EPB41L4A: variants seen among roughly 807,000 people sequenced by gnomAD.
The protein encoded by EPB41L4A is erythrocyte membrane protein band 4.1 like 4A.
Under a neutral mutation model 108.6 loss-of-function variants are expected in EPB41L4A, and 100 were observed. The observed-to-expected ratio is 0.92, with a 90% CI of 0.78 to 1.09. EPB41L4A has a LOEUF of 1.09. Among genes scored for constraint, EPB41L4A ranks in the 50% least tolerant of loss-of-function variants. The pLI is 0.00. For synonymous variants in EPB41L4A, 319 were observed against 289.0 expected (o/e 1.10, Z -1.05); for missense variants, 1,030 against 842.7 (o/e 1.22, Z -2.75).
chr5:112,207,815 GT>G (rs1410294264), intron 13 of EPB41L4A, among the ~76,000 whole-genome samples: 30 of 152,318 alleles, frequency 2.0e-4, no homozygotes, highest in African/African-American at 7.2e-4. Flanking sequence ...CTTTTACACT[GT>G]TGGGGGAAAT....
chr5:112,246,845 CCT>C lies in EPB41L4A; in HGVS notation c.796-6037_796-6036del, dbSNP rs1452653744. On this transcript the variant is annotated intron_variant, in intron 9 of 22. Transcript: ENST00000261486. ...ATGAATGACTATTTTTCCCTACCCCCCTCTTACATGAAAACAGTGTGCTTCTC... is the reference window on the plus strand; with the variant it reads ...ATGAATGACTATTTTTCCCTACCCCCCTTACATGAAAACAGTGTGCTTCTC... Among the ~76,000 whole-genome samples the C allele has an allele frequency of 3.9e-5, 6 of 152,274 alleles. No individual in the cohort carries two copies. In the East Asian group the frequency reaches 1.2e-3, roughly 29 times the overall value.
intron 16 of EPB41L4A, among the ~76,000 whole-genome samples, chr5:112,195,288 A>C (rs542640819): frequency 2.6e-5 from 4 of 152,204 alleles, no homozygotes; most frequent in Admixed American, 6.6e-5. Flanking sequence ...CCTGGATAAC[A>C]CAACCTCAGC....
At chr5:112,267,340 A>T (rs1193357154) in intron 4 of EPB41L4A, among the ~76,000 whole-genome samples, 1 of 152,218 alleles carries the variant, frequency 6.6e-6, no homozygotes, top group Non-Finnish European at 1.5e-5. Context: ...AGCTATATTA[A>T]ATATCTCTTC....
At chr5:112,177,899 A>T (rs565671760) in intron 18 of EPB41L4A, among the ~76,000 whole-genome samples, 6 of 152,250 alleles carry the variant, frequency 3.9e-5, no homozygotes, top group African/African-American at 9.6e-5. Flanking sequence ...GTAGGAAGGG[A>T]GCAACAAACC....
chr5:112,211,124 C>T (rs999803211), intron 12 of EPB41L4A, among the ~76,000 whole-genome samples: 7 of 152,066 alleles, frequency 4.6e-5, no homozygotes, highest in Non-Finnish European at 7.4e-5. Context: ...AAAAAATGGG[C>T]CTTTCTCAAG....
In EPB41L4A at chr5:112,266,443, AC is replaced by A. The variant is rs200958032; in HGVS notation, c.336-114del. 7.2e-3 allele frequency: 4,882 copies of A among 673,830 alleles called. 26 individuals are homozygous for A. Among genetic ancestry groups the A allele is most frequent in the African/African-American group, 0.013 (704 of 54,622 alleles). 41.7% of individuals were successfully genotyped at this position (673,830 alleles called of 1,614,324 possible). On this transcript the variant is annotated intron_variant, in intron 4 of 22. Transcript: ENST00000261486. ...AATCACCTTCAATTAAAATAAAGTC[AC>A]CCCCCATTCTTGTGTGAGGGGGCTG...
At chr5:112,172,511 CAAA>C (rs144426305) in intron 18 of EPB41L4A, among the ~76,000 whole-genome samples, 14 of 99,486 alleles carry the variant, frequency 1.4e-4, no homozygotes, top group Non-Finnish European at 1.4e-4. Flanking sequence ...GACCCTGTGC[CAAA>C]AAAAAAAAAA....
chr5:112,371,190 C>T (rs541863233), intron 1 of EPB41L4A, among the ~76,000 whole-genome samples: 4 of 152,312 alleles, frequency 2.6e-5, no homozygotes, highest in East Asian at 1.9e-4. Flanking sequence ...AACTTATCAA[C>T]GCCCTAGCAG....
At position 112,239,520 on chromosome 5, in the gene EPB41L4A, A is replaced by G. The variant is rs1352681971; in HGVS notation, c.965+140T>C. ...TCATGTTTGTTGAGAAAGTTTTAAT[A>G]AACTGTTATGCTTACAAAACACATT... On this transcript the variant is annotated intron_variant, in intron 11 of 22. Transcript: ENST00000261486. 13 of 464,682 alleles carry G rather than the reference A, an allele frequency of 2.8e-5. No homozygotes were observed. In the East Asian group the frequency reaches 4.2e-4, roughly 15 times the overall value. 28.8% of individuals were successfully genotyped at this position (464,682 alleles called of 1,614,324 possible).
Position 112,151,723 on chromosome 5 carries a change from T to C in EPB41L4A, n.995-5725A>G, listed in dbSNP as rs148070883. Among the ~76,000 whole-genome samples, 520 of 146,254 alleles carry C rather than the reference T, an allele frequency of 3.6e-3. 7 individuals carry two copies. The highest frequency in any genetic ancestry group is 0.028 in the South Asian group (133 of 4,768). The stretch of plus-strand genomic sequence containing the variant: ...GCACCCAGTCCCATATTATTTTATA[T>C]ATTTAGTCTTTTTTTTTTTCTTTTG... On this transcript the variant is annotated intron_variant and non_coding_transcript_variant, in intron 12 of 13. Coordinates refer to the EPB41L4A transcript ENST00000507810.
At chr5:112,289,431 G>T (rs986434379) in intron 2 of EPB41L4A, among the ~76,000 whole-genome samples, 1 of 152,168 alleles carries the variant, frequency 6.6e-6, no homozygotes, top group Non-Finnish European at 1.5e-5. Context: ...GTGCAAACTT[G>T]AGGGAATTTG....
At chr5:112,257,520 G>A (rs1361134247) in intron 9 of EPB41L4A, among the ~76,000 whole-genome samples, 3 of 152,140 alleles carry the variant, frequency 2.0e-5, no homozygotes, top group Admixed American at 6.5e-5. Flanking sequence ...AAAATAACAT[G>A]ATGATATCAA....
At chr5:112,324,703 C>T (rs1756028328) in intron 1 of EPB41L4A, among the ~76,000 whole-genome samples, 1 of 132,952 alleles carries the variant, frequency 7.5e-6, no homozygotes, top group African/African-American at 2.9e-5. Flanking sequence ...TCCTGGGTGA[C>T]AGAGTGAGAG....
At position 112,280,342 on chromosome 5, in the gene EPB41L4A, G is replaced by A; in HGVS notation, c.205-19C>T. 6.2e-7 allele frequency: 1 copy of A among 1,610,422 alleles called. No individual in the cohort carries two copies. Among genetic ancestry groups the A allele is most frequent in the Non-Finnish European group, 8.5e-7 (1 of 1,176,782 alleles). On this transcript the variant is annotated intron_variant, in intron 2 of 22. Transcript: ENST00000261486. ...GCCAATACTGTGTGAGGAAGAAAAGGACAATTAAAGAAATTAGTTGCTTTT... is the reference window on the plus strand; with the variant it reads ...GCCAATACTGTGTGAGGAAGAAAAGAACAATTAAAGAAATTAGTTGCTTTT...
chr5:112,336,394 T>C (rs1018493597), intron 1 of EPB41L4A, among the ~76,000 whole-genome samples: 1 of 152,028 alleles, frequency 6.6e-6, no homozygotes, highest in African/African-American at 2.4e-5. Flanking sequence ...AATTCCAGAG[T>C]ATGAAATAGG....
intron 9 of EPB41L4A, chr5:112,250,498 ATAAC>A (rs1420736130): frequency 5.9e-5 from 9 of 152,192 alleles, no homozygotes; most frequent in African/African-American, 7.2e-5. Flanking sequence ...TGTTTTAATG[ATAAC>A]TAACTTTTAT....
chr5:112,207,153 T>C (rs557551739), intron 13 of EPB41L4A: 4 of 152,326 alleles, frequency 2.6e-5, no homozygotes, highest in African/African-American at 9.6e-5. Flanking sequence ...AACCATCTGA[T>C]CTTCAACAAA....
At chr5:112,188,516 G>A (rs1435201789) in intron 17 of EPB41L4A, among the ~76,000 whole-genome samples, 3 of 152,036 alleles carry the variant, frequency 2.0e-5, no homozygotes, top group African/African-American at 7.2e-5. Context: ...CTCAGTTGCT[G>A]CGGCTTTGTC....
chr5:112,217,915 G>C (rs949570364), intron 12 of EPB41L4A, among the ~76,000 whole-genome samples: 1 of 152,142 alleles, frequency 6.6e-6, no homozygotes, highest in Non-Finnish European at 1.5e-5. Flanking sequence ...GCCCCCTCCT[G>C]AGTTGTTCTG....
Sources: gnomAD v4.1 joint callset for allele counts (sites outside exome capture counted in the v4.1 genomes callset) on GRCh38, gnomAD v4.1.1 for gene constraint, MANE v1.5 for transcripts, NCBI Gene and HGNC (gene_info 2026-07-23, HGNC 2026-07-21) for gene names.